ZYG11A: variants seen among roughly 807,000 people sequenced by gnomAD.
ZYG11A encodes the protein zyg-11 family member A, cell cycle regulator.
ZYG11A carries 62 observed loss-of-function variants against 77.2 expected under a neutral mutation model. That is an observed-to-expected ratio of 0.80 (90% CI 0.65 to 0.99). The LOEUF (loss-of-function observed/expected upper bound fraction) is 0.99. ZYG11A is among the 50% of genes least tolerant of loss of function. ZYG11A has a pLI of 0.00. For missense variants in ZYG11A, 828 were observed against 896.8 expected, an observed-to-expected ratio of 0.92 and a Z score of 0.98; for synonymous variants, 315 against 324.6, an observed-to-expected ratio of 0.97 and a Z score of 0.32.
rs139735790 is a variant in ZYG11A, at chr1:52,859,227, G to A, written c.1008+1478G>A. On this transcript the variant is annotated intron_variant, in intron 3 of 13. Transcript: ENST00000371528. ...CTGTCGCCCAGGCTGGAGTGCAGTG[G>A]TCCGATCTTGGCTCACCACCAAGGA... Among the ~76,000 whole-genome samples, 17 of 150,918 alleles carry A rather than the reference G, an allele frequency of 1.1e-4. No homozygotes were observed. In the East Asian group the frequency reaches 3.1e-3, roughly 28 times the overall value.
intron 5 of ZYG11A, among the ~76,000 whole-genome samples, chr1:52,865,977 G>A (rs111366191): frequency 0.036 from 4,756 of 130,614 alleles, 269 homozygotes; most frequent in African/African-American, 0.13. Context: ...TCGCTCTGTC[G>A]CCCAGGCTGG....
At chr1:52,847,665 CTTTG>C (rs1051585396) in intron 1 of ZYG11A, among the ~76,000 whole-genome samples, 3 of 147,418 alleles carry the variant, frequency 2.0e-5, no homozygotes, top group African/African-American at 7.5e-5. Flanking sequence ...CTGTACTGTA[CTTTG>C]TTTTTTTTTT....
Position 52,866,563 on chromosome 1 carries a change from G to A in ZYG11A, c.1387G>A (p.Asp463Asn). ...CAGGATTCTTGTGGATGTTCCATTT[G>A]ACAGGCAAGTATAAGACTTGGTCAT... is the stretch of plus-strand genomic sequence containing the variant. ...NSRILVDVPF[D>N]RFDAAKFVMR... The change falls in exon 6 of 14, where the codon GAC becomes AAC. Residue 463 changes from aspartate (D) to asparagine (N), a missense_variant. By Grantham distance (23) the Asp-to-Asn change is conservative. Coordinates refer to ENST00000371528, the MANE Select transcript of ZYG11A (RefSeq NM_001004339.3). The A allele has an allele frequency of 1.3e-6, 2 of 1,537,626 alleles. No individual in the cohort carries two copies. Among genetic ancestry groups the A allele is most frequent in the Non-Finnish European group, 1.8e-6 (2 of 1,134,730 alleles).
At chr1:52,866,752 G>A (rs1646034432) in intron 6 of ZYG11A, among the ~76,000 whole-genome samples, 185 bp downstream of exon 6, 1 of 152,138 alleles carries the variant, frequency 6.6e-6, no homozygotes, top group South Asian at 2.1e-4. Context: ...ATAGGATAGT[G>A]GGTAAGAACA....
chr1:52,864,811 AT>A (rs555254016), intron 5 of ZYG11A, among the ~76,000 whole-genome samples: 4,871 of 137,686 alleles, frequency 0.035, 146 homozygotes, highest in East Asian at 0.19. Context: ...TGCCTGGCTA[AT>A]TTTTTTTTTT....
At chr1:52,852,996 T>C (rs1645742206) in intron 1 of ZYG11A, among the ~76,000 whole-genome samples, 1 of 152,234 alleles carries the variant, frequency 6.6e-6, no homozygotes, top group Non-Finnish European at 1.5e-5. Flanking sequence ...GTTTGAAGCA[T>C]TGAACTAAAA....
chr1:52,892,954 C>T lies in ZYG11A; in HGVS notation c.2277C>T (p.Phe759=). Reference sequence around the variant, plus strand: ...GGCCCACTCTGTGTCAAATGCCCTTCTGAACCTAAGGAATTTCAGAGGTGT... The same window carrying T: ...GGCCCACTCTGTGTCAAATGCCCTTTTGAACCTAAGGAATTTCAGAGGTGT... The part of the protein sequence containing the change: ...YQRPTLCQMP[F] The change falls in exon 14 of 14, where the codon TTC becomes TTT. Residue 759 remains phenylalanine (F), a synonymous_variant. Transcript: ENST00000371528. The T allele has an allele frequency of 6.4e-7, 1 of 1,551,332 alleles. No homozygotes were observed. The highest frequency in any genetic ancestry group is 8.7e-7 in the Non-Finnish European group (1 of 1,146,776).
At chr1:52,862,483 T>G (rs1263309425) in intron 4 of ZYG11A, among the ~76,000 whole-genome samples, 1 of 151,580 alleles carries the variant, frequency 6.6e-6, no homozygotes, top group Non-Finnish European at 1.5e-5. Context: ...AGCTACTTTT[T>G]TGTATTTTTT....
chr1:52,866,179 C>T (rs187430071), intron 5 of ZYG11A, among the ~76,000 whole-genome samples: 2,219 of 152,110 alleles, frequency 0.015, 62 homozygotes, highest in African/African-American at 0.051. Flanking sequence ...CCTCGTGATC[C>T]GCCTGCCTCT....
At chr1:52,883,766 C>A (rs554008194) in intron 11 of ZYG11A, among the ~76,000 whole-genome samples, 80 of 152,150 alleles carry the variant, frequency 5.3e-4, no homozygotes, top group African/African-American at 1.9e-3. Context: ...GCTACTGTTT[C>A]CTGCAAGTTG....
chr1:52,879,492 A>C (rs927178348), intron 10 of ZYG11A, among the ~76,000 whole-genome samples: 3 of 152,212 alleles, frequency 2.0e-5, no homozygotes, highest in Non-Finnish European at 4.4e-5. Context: ...GTAAATGATT[A>C]ATACTGGAAA....
At chr1:52,867,070 A>G (rs1646040682) in intron 6 of ZYG11A, among the ~76,000 whole-genome samples, 1 of 152,248 alleles carries the variant, frequency 6.6e-6, no homozygotes, top group South Asian at 2.1e-4. Flanking sequence ...GTTTTAAAAC[A>G]TTTATAATAG....
Position 52,851,063 on chromosome 1 carries a change from G to T in ZYG11A, c.91-3402G>T, listed in dbSNP as rs150617898. On this transcript the variant is annotated intron_variant, in intron 1 of 13. Transcript: ENST00000371528. The stretch of plus-strand genomic sequence containing the variant: ...TTAAAATTTTTTTTTTTGAGACAGG[G>T]TCTCATTTTGTCATCCAGGCTGGAG... Among the ~76,000 whole-genome samples, 859 of 151,934 alleles carry T rather than the reference G, an allele frequency of 5.7e-3. 8 individuals are homozygous for T. The highest frequency in any genetic ancestry group is 0.02 in the African/African-American group (827 of 41,436).
At chr1:52,855,788 T>A (rs1645798869) in intron 2 of ZYG11A, among the ~76,000 whole-genome samples, 2 of 152,218 alleles carry the variant, frequency 1.3e-5, no homozygotes, top group Non-Finnish European at 2.9e-5. Context: ...CATACCACAT[T>A]GTATTTATCT....
At chr1:52,845,327 A>C in intron 1 of ZYG11A, among the ~76,000 whole-genome samples, 1 of 134,428 alleles carries the variant, frequency 7.4e-6, no homozygotes, top group African/African-American at 2.8e-5. Flanking sequence ...TTTTTTTGAG[A>C]CGGAGCCTTG....
chr1:52,859,901 C>T (rs1645894466), intron 3 of ZYG11A, among the ~76,000 whole-genome samples: 2 of 151,650 alleles, frequency 1.3e-5, no homozygotes, highest in Admixed American at 6.6e-5. Flanking sequence ...TGGTCTTGAA[C>T]TCCTGACCTC....
rs945669291 is a variant in ZYG11A at position 52,843,063 on chromosome 1, C to T, written c.90+90C>T. The T allele has an allele frequency of 1.5e-5, 18 of 1,188,854 alleles. No homozygotes were observed. The East Asian group carries it at 5.1e-4, about 34-fold the overall frequency. 73.6% of individuals were successfully genotyped at this position (1,188,854 alleles called of 1,614,324 possible). On this transcript the variant is annotated intron_variant, in intron 1 of 13. Transcript: ENST00000371528. ...CGAGTCTCCTGGGACGCTGCCGAGG[C>T]ACTTGCTGGGGAGTGTGGCCCGCGC...
chr1:52,862,973 A>G (rs1645958824), intron 4 of ZYG11A, among the ~76,000 whole-genome samples: 1 of 152,060 alleles, frequency 6.6e-6, no homozygotes, highest in African/African-American at 2.4e-5. Context: ...TTCTGTAAAG[A>G]TGAGGTCTTA....
At chr1:52,885,923 T>TG (rs1646441877) in intron 12 of ZYG11A, 29 bp downstream of exon 12, 12 of 1,316,530 alleles carry the variant, frequency 9.1e-6, no homozygotes, top group Non-Finnish European at 1.2e-5. Flanking sequence ...GCTTTTCTTC[T>TG]TTTTTTTTTC....
Sources: gnomAD v4.1 joint callset for allele counts (sites outside exome capture counted in the v4.1 genomes callset) on GRCh38, gnomAD v4.1.1 for gene constraint, MANE v1.5 for transcripts, NCBI Gene and HGNC (gene_info 2026-07-23, HGNC 2026-07-21) for gene names.